The following CLCN4 variants were observed in gnomAD, a reference collection of about 807,000 sequenced individuals.
CLCN4 encodes H(+)/Cl(-) exchange transporter 4.
Under a neutral mutation model 41.7 loss-of-function variants are expected in CLCN4, and 1 was observed. That is an observed-to-expected ratio of 0.02 (90% CI 0.01 to 0.11). The LOEUF is 0.11. CLCN4 is among the 10% of genes least tolerant of loss of function. The pLI is 1.00. For missense variants in CLCN4, 287 were observed against 661.0 expected (o/e 0.43, Z 6.20); for synonymous variants, 277 against 285.8 (o/e 0.97, Z 0.31).
At chrX:10,216,866 CTT>C (rs2147185442) in intron 11 of CLCN4, among the ~76,000 whole-genome samples, 1 of 54,992 alleles carries the variant, frequency 1.8e-5, no homozygotes, top group Admixed American at 1.9e-4. Flanking sequence ...TCATCTACAC[CTT>C]TCTGTTGGGG....
intron 2 of CLCN4, among the ~76,000 whole-genome samples, chrX:10,169,483 A>G (rs5934788): frequency 0.35 from 39,217 of 110,707 alleles, 5,703 homozygotes; most frequent in African/African-American, 0.54. Context: ...TAACAAGGGA[A>G]ACAAGATGAA....
chrX:10,162,105 G>A (rs1376665553), intron 2 of CLCN4, among the ~76,000 whole-genome samples: 1 of 98,734 alleles, frequency 1.0e-5, no homozygotes, highest in Non-Finnish European at 2.0e-5. Flanking sequence ...TGCAACCTCC[G>A]CCTCCTGGGT....
Position 10,233,650 on chromosome X carries a change from G to A in CLCN4, c.*66G>A. The stretch of plus-strand genomic sequence containing the variant: ...TCATTTAAAAAGAAATAAATGATAT[G>A]TTATTATCCCAATGAAAGATCATGC... On this transcript the variant is annotated 3_prime_UTR_variant, in exon 13 of 13. Transcript: ENST00000380833. 2.3e-6 allele frequency: 2 copies of A among 881,030 alleles called. No individual in the cohort carries two copies. Among genetic ancestry groups the A allele is most frequent in the Non-Finnish European group, 3.3e-6 (2 of 602,404 alleles). 72.6% of individuals were successfully genotyped at this position (881,030 alleles called of 1,213,427 possible). A position where few individuals can be genotyped will look rare whatever the true frequency, so the allele number is the denominator to read the frequency against.
intron 2 of CLCN4, among the ~76,000 whole-genome samples, chrX:10,162,252 C>T (rs1012755263): frequency 2.7e-5 from 3 of 111,079 alleles, no homozygotes; most frequent in Non-Finnish European, 5.7e-5. Flanking sequence ...CTCCTGACCT[C>T]AGGTGATCCG....
chrX:10,160,172 CT>C (rs1923055633), intron 2 of CLCN4, among the ~76,000 whole-genome samples: 1 of 110,843 alleles, frequency 9.0e-6, no homozygotes, highest in South Asian at 3.9e-4. Flanking sequence ...CCCTTGCCCC[CT>C]GTTGAGAACC....
intron 11 of CLCN4, 137 bp from the exon 12 acceptor site, chrX:10,220,524 C>T (rs1924830701): frequency 2.0e-6 from 1 of 503,300 alleles, no homozygotes; most frequent in Non-Finnish European, 3.5e-6. Flanking sequence ...TGGCTAAAGC[C>T]CCTTATTAAG....
chrX:10,176,160 G>A (rs977777398), intron 2 of CLCN4, among the ~76,000 whole-genome samples: 3 of 112,177 alleles, frequency 2.7e-5, no homozygotes, highest in African/African-American at 9.7e-5. Context: ...CGTGGGTCAC[G>A]ATTATTTGTT....
In CLCN4 at chrX:10,188,217, G is replaced by A. The variant is rs373566033; in HGVS notation, c.244+603G>A. Among the ~76,000 whole-genome samples the A allele has an allele frequency of 6.9e-4, 78 of 112,864 alleles. No individual in the cohort carries two copies. The Middle Eastern group carries it at 0.014, about 20-fold the overall frequency. ...GGTGTGAGCCACTGAGCCCAGCCAA[G>A]CACACATTTTATATTCGGTTATTCT... On this transcript the variant is annotated intron_variant, in intron 4 of 12. Transcript: ENST00000380833.
At chrX:10,229,293 A>T (rs1297358434) in intron 12 of CLCN4, among the ~76,000 whole-genome samples, 1 of 109,773 alleles carries the variant, frequency 9.1e-6, no homozygotes, top group Non-Finnish European at 1.9e-5. Context: ...AAATTTCCTG[A>T]CTCTGGGAGG....
intron 2 of CLCN4, among the ~76,000 whole-genome samples, chrX:10,172,691 G>GTC (rs59439289): frequency 0.28 from 30,789 of 109,516 alleles, 3,802 homozygotes; most frequent in African/African-American, 0.46. Flanking sequence ...ATGCGTGTGT[G>GTC]TGTGTGTGTG....
chrX:10,197,828 GC>G, intron 5 of CLCN4, 110 bp from the exon 6 acceptor site: 1 of 1,003,107 alleles, frequency 1.0e-6, no homozygotes, highest in Non-Finnish European at 1.4e-6. Flanking sequence ...GACCAAACCT[GC>G]CCAATCCCGT....
chrX:10,223,405 G>A (rs772983768), intron 12 of CLCN4, among the ~76,000 whole-genome samples: 19 of 110,744 alleles, frequency 1.7e-4, no homozygotes, highest in African/African-American at 6.2e-4. Context: ...GGCTCTGAAT[G>A]TGCTTCAAGA....
At chrX:10,227,456 G>A (rs1055603402) in intron 12 of CLCN4, among the ~76,000 whole-genome samples, 15 of 111,731 alleles carry the variant, frequency 1.3e-4, no homozygotes, top group African/African-American at 4.2e-4. Flanking sequence ...TACTGAGTGG[G>A]CAAAACCTGG....
intron 2 of CLCN4, among the ~76,000 whole-genome samples, chrX:10,165,912 C>T (rs1351065027): frequency 8.9e-6 from 1 of 112,090 alleles, no homozygotes; most frequent in African/African-American, 3.2e-5. Context: ...CCCGGGCCAC[C>T]AGGAACAGCA....
rs766515103 is a variant in CLCN4, at chrX:10,185,270, A to T, written c.144+94A>T. The T allele has an allele frequency of 3.9e-5, 37 of 955,959 alleles. No homozygotes were observed. In the South Asian group the frequency reaches 8.3e-4, roughly 21 times the overall value. The allele number at this position is 955,959 out of a possible 1,213,427, so 78.8% of individuals were successfully genotyped here. A position where few individuals can be genotyped will look rare whatever the true frequency, so the allele number is the denominator to read the frequency against. On this transcript the variant is annotated intron_variant, in intron 3 of 12. Coordinates refer to ENST00000380833, the MANE Select transcript of CLCN4 (RefSeq NM_001830.4). Reference sequence around the variant, plus strand: ...TGGGGCTTAGGTCCACGTACGTGTCATGTGCTGGGTTAGGGTCTAAAGAAG... The same window carrying T: ...TGGGGCTTAGGTCCACGTACGTGTCTTGTGCTGGGTTAGGGTCTAAAGAAG...
chrX:10,177,147 A>T lies in CLCN4; in HGVS notation c.-11-7875A>T, dbSNP rs985046314. 5.3e-5 allele frequency among the ~76,000 whole-genome samples: 6 copies of T among 112,729 alleles called. No individual in the cohort carries two copies. In the East Asian group the frequency reaches 1.7e-3, roughly 31 times the overall value. ...AACCAAAAGAATAATATTTTGCCAC[A>T]CATGAAGATGATATGGAATTCATAT... On this transcript the variant is annotated intron_variant, in intron 2 of 12. Transcript: ENST00000380833.
At chrX:10,198,320 ACT>A (rs1251288817) in intron 6 of CLCN4, among the ~76,000 whole-genome samples, 1 of 112,475 alleles carries the variant, frequency 8.9e-6, no homozygotes, top group Non-Finnish European at 1.9e-5. Flanking sequence ...GGATTTACAC[ACT>A]GTCTTCAAGA....
chrX:10,229,539 C>A (rs1363480804), intron 12 of CLCN4, among the ~76,000 whole-genome samples: 1 of 108,181 alleles, frequency 9.2e-6, no homozygotes, highest in Non-Finnish European at 1.9e-5. Flanking sequence ...TGCTATCCCT[C>A]CCCCGTCCCC....
Position 10,186,147 on chromosome X carries a change from G to A in CLCN4, c.144+971G>A, listed in dbSNP as rs371697353. 1.3e-4 allele frequency among the ~76,000 whole-genome samples: 14 copies of A among 111,162 alleles called. No individual in the cohort carries two copies. In the East Asian group the frequency reaches 3.1e-3, roughly 25 times the overall value. On this transcript the variant is annotated intron_variant, in intron 3 of 12. Coordinates refer to ENST00000380833, the MANE Select transcript of CLCN4 (RefSeq NM_001830.4). Reference sequence around the variant, plus strand: ...AAGCAAGGGGGGACTGGCAGACTGCGGAGGAGGCCATTGAGTTCTGTGTAG... The same window carrying A: ...AAGCAAGGGGGGACTGGCAGACTGCAGAGGAGGCCATTGAGTTCTGTGTAG...
Sources: gnomAD v4.1 joint callset for allele counts (sites outside exome capture counted in the v4.1 genomes callset) on GRCh38, gnomAD v4.1.1 for gene constraint, MANE v1.5 for transcripts, NCBI Gene and HGNC (gene_info 2026-07-23, HGNC 2026-07-21) for gene names.